OSBPL1A: variants seen among roughly 807,000 people sequenced by gnomAD.
OSBPL1A encodes the protein oxysterol-binding protein-related protein 1.
OSBPL1A carries 80 observed loss-of-function variants against 137.1 expected under a neutral mutation model. The ratio of observed to expected loss-of-function variants is 0.58; its 90% CI spans 0.49 to 0.70. The LOEUF (loss-of-function observed/expected upper bound fraction) is 0.70. OSBPL1A is among the 30% of genes least tolerant of loss of function. The probability of loss-of-function intolerance (pLI) is 0.00; values close to 1 mark genes in which losing one functional copy is unlikely to be tolerated. For synonymous variants in OSBPL1A, 365 were observed against 389.7 expected (o/e 0.94, Z 0.75); for missense variants, 970 against 1,129.4 (o/e 0.86, Z 2.02).
intron 15 of OSBPL1A, among the ~76,000 whole-genome samples, chr18:24,245,728 C>G (rs2146019422): frequency 6.6e-6 from 1 of 152,300 alleles, no homozygotes. Flanking sequence ...GTATAGTATA[C>G]TCTTGCTTTG....
intron 17 of OSBPL1A, among the ~76,000 whole-genome samples, chr18:24,198,865 T>TG (rs1180336392): frequency 3.4e-5 from 5 of 148,750 alleles, no homozygotes; most frequent in South Asian, 2.1e-4. Context: ...TTTTTGTTGT[T>TG]TTTTTTTTTT....
At position 24,303,523 on chromosome 18, in the gene OSBPL1A, T is replaced by C. The variant is rs981675706; in HGVS notation, c.1174+114A>G. The C allele has an allele frequency of 5.0e-5, 38 of 758,780 alleles. 1 individual carries two copies. In the Middle Eastern group the frequency reaches 7.3e-4, roughly 15 times the overall value. The allele number at this position is 758,780 out of a possible 1,614,324, so 47.0% of individuals were successfully genotyped here. ...AAAGTTTCAAAATAGTTTTATCAAATATAACTCTTAATTCAAAACCAAAAA... is the reference window on the plus strand; with the variant it reads ...AAAGTTTCAAAATAGTTTTATCAAACATAACTCTTAATTCAAAACCAAAAA... On this transcript the variant is annotated intron_variant, in intron 14 of 27. Coordinates refer to ENST00000319481, the MANE Select transcript of OSBPL1A (RefSeq NM_080597.4).
intron 16 of OSBPL1A, among the ~76,000 whole-genome samples, chr18:24,230,816 G>GA (rs2088249459): frequency 6.6e-6 from 1 of 152,180 alleles, no homozygotes; most frequent in African/African-American, 2.4e-5. Flanking sequence ...CTGAACTTTT[G>GA]ATGAGCACTT....
At chr18:24,351,836 A>T (rs75224420) in intron 4 of OSBPL1A, among the ~76,000 whole-genome samples, 1 of 152,170 alleles carries the variant, frequency 6.6e-6, no homozygotes, top group Non-Finnish European at 1.5e-5. Flanking sequence ...CACTGTGCCC[A>T]GCCTGCAATT....
chr18:24,185,969 G>A (rs147918249), intron 18 of OSBPL1A, among the ~76,000 whole-genome samples: 1 of 152,236 alleles, frequency 6.6e-6, no homozygotes, highest in Non-Finnish European at 1.5e-5. Context: ...TTGGGAGGCC[G>A]AGGCAGAAGG....
chr18:24,375,205 C>T (rs901822766), intron 2 of OSBPL1A, among the ~76,000 whole-genome samples: 20 of 150,050 alleles, frequency 1.3e-4, no homozygotes, highest in African/African-American at 4.9e-4. Flanking sequence ...GTCCCAACTA[C>T]TCTGGAGGCT....
intron 18 of OSBPL1A, among the ~76,000 whole-genome samples, chr18:24,190,118 T>C (rs1378905903): frequency 1.3e-5 from 2 of 152,146 alleles, no homozygotes; most frequent in Non-Finnish European, 2.9e-5. Context: ...ACCCTCCTGC[T>C]AGGGGACTTC....
At chr18:24,253,671 A>C (rs2089182759) in intron 15 of OSBPL1A, among the ~76,000 whole-genome samples, 1 of 152,202 alleles carries the variant, frequency 6.6e-6, no homozygotes, top group Non-Finnish European at 1.5e-5. Context: ...ATGGAATCAT[A>C]GTGGGTTCAA....
intron 15 of OSBPL1A, among the ~76,000 whole-genome samples, chr18:24,268,507 G>A (rs2089637696): frequency 1.3e-5 from 2 of 151,354 alleles, no homozygotes; most frequent in South Asian, 4.2e-4. Context: ...AAATCTGCAT[G>A]TTCTGCACAT....
intron 15 of OSBPL1A, among the ~76,000 whole-genome samples, chr18:24,250,371 T>C (rs554129570): frequency 3.9e-5 from 6 of 152,226 alleles, no homozygotes; most frequent in East Asian, 3.9e-4. Flanking sequence ...AGACGGGGTT[T>C]TGCCATGTTG....
chr18:24,167,251 G>A (rs916266311), intron 25 of OSBPL1A, 78 bp downstream of exon 25: 5 of 1,348,440 alleles, frequency 3.7e-6, no homozygotes, highest in African/African-American at 1.4e-5. Context: ...TGCCTGGGCC[G>A]ACCCTACACG....
At chr18:24,341,407 A>G (rs377350669) in intron 5 of OSBPL1A, 140 bp downstream of exon 5, 1 of 618,382 alleles carries the variant, frequency 1.6e-6, no homozygotes. Flanking sequence ...GTGTTTAATC[A>G]ATGACTCCAA....
intron 14 of OSBPL1A, among the ~76,000 whole-genome samples, chr18:24,289,742 C>T (rs973755418): frequency 6.6e-6 from 1 of 152,066 alleles, no homozygotes; most frequent in Non-Finnish European, 1.5e-5. Flanking sequence ...AGAACACACC[C>T]TGGAGCCAGG....
intron 16 of OSBPL1A, among the ~76,000 whole-genome samples, chr18:24,232,654 A>G (rs913997486): frequency 1.2e-4 from 19 of 152,344 alleles, no homozygotes; most frequent in African/African-American, 4.3e-4. Context: ...CACATTATGC[A>G]TTAACTCTAC....
At chr18:24,311,195 T>C (rs377145160) in intron 13 of OSBPL1A, among the ~76,000 whole-genome samples, 1 of 152,324 alleles carries the variant, frequency 6.6e-6, no homozygotes, top group South Asian at 2.1e-4. Context: ...TCCATAGGTA[T>C]TGGGGAATTT....
At chr18:24,165,456 C>T (rs552568280) in intron 26 of OSBPL1A, among the ~76,000 whole-genome samples, 6 of 152,292 alleles carry the variant, frequency 3.9e-5, no homozygotes, top group African/African-American at 1.4e-4. Flanking sequence ...TCAATGAAAA[C>T]TTGGGTGCAA....
intron 15 of OSBPL1A, among the ~76,000 whole-genome samples, chr18:24,269,489 A>G (rs2089663244): frequency 6.6e-6 from 1 of 152,206 alleles, no homozygotes; most frequent in Non-Finnish European, 1.5e-5. Flanking sequence ...TTAGTCATCT[A>G]ATTTTATGAA....
intron 17 of OSBPL1A, among the ~76,000 whole-genome samples, chr18:24,207,276 G>A (rs1481129170): frequency 6.6e-6 from 1 of 152,130 alleles, no homozygotes; most frequent in African/African-American, 2.4e-5. Context: ...TAGAGATGGG[G>A]TTTCACCATA....
chr18:24,384,892 A>G (rs1287622937), intron 1 of OSBPL1A, among the ~76,000 whole-genome samples: 1 of 151,810 alleles, frequency 6.6e-6, no homozygotes, highest in Admixed American at 6.6e-5. Context: ...AAAAAGAAAA[A>G]AGAAAGAAAA....
Sources: gnomAD v4.1 joint callset for allele counts (sites outside exome capture counted in the v4.1 genomes callset) on GRCh38, gnomAD v4.1.1 for gene constraint, MANE v1.5 for transcripts, NCBI Gene and HGNC (gene_info 2026-07-23, HGNC 2026-07-21) for gene names.